Variants in MCM7 observed in about 807,000 individuals in gnomAD.
MCM7 encodes minichromosome maintenance complex component 7.
A neutral mutation model predicts 83.5 loss-of-function variants in MCM7; 95 were observed. The ratio of observed to expected loss-of-function variants is 1.14; its 90% CI spans 0.96 to 1.35. The LOEUF (loss-of-function observed/expected upper bound fraction) is 1.35, where lower values mean the gene tolerates loss of function less well. Ranked by LOEUF, MCM7 falls within the 40% of genes most tolerant of loss-of-function variation. The pLI is 0.00. For missense variants in MCM7, 1,087 were observed against 957.4 expected, an observed-to-expected ratio of 1.14 and a Z score of -1.79; for synonymous variants, 461 against 352.7, an observed-to-expected ratio of 1.31 and a Z score of -3.44.
At position 100,094,343 on chromosome 7, in the gene MCM7, T is replaced by C. The variant is rs781636558; in HGVS notation, c.1680-2A>G. 1.2e-6 allele frequency: 2 copies of C among 1,613,892 alleles called. No homozygotes were observed. The highest frequency in any genetic ancestry group is 1.7e-5 in the Admixed American group (1 of 60,010). ...TCGCGGCACATGGCTATGTAACGCC[T>C]GTGGGGGAAGGTTCATGGGGAAGCA... On this transcript the variant is annotated splice_acceptor_variant, in intron 12 of 14. Coordinates refer to ENST00000303887, the MANE Select transcript of MCM7 (RefSeq NM_005916.5). LOFTEE classifies it high-confidence loss of function.
intron 12 of MCM7, among the ~76,000 whole-genome samples, chr7:100,094,889 C>T (rs1795535241): frequency 6.6e-6 from 1 of 152,198 alleles, no homozygotes; most frequent in South Asian, 2.1e-4. Flanking sequence ...AACTGATACA[C>T]ATAACCTGAA....
At position 100,097,383 on chromosome 7, in the gene MCM7, G is replaced by A; in HGVS notation, c.1119C>T (p.Gly373=). Residue 373 remains glycine (G), a splice_region_variant and synonymous_variant, in exon 10 of 15, where the codon GGC becomes GGT. Coordinates refer to ENST00000303887, the MANE Select transcript of MCM7 (RefSeq NM_005916.5). The part of the protein sequence containing the change: ...DQSPRGMKIR[G]NINICLMGDP... ...CCCCCATCAGACAGATGTTGATGTT[G>A]CCTGGAGGAAGGGAAGGCAGCCCTG... is the stretch of plus-strand genomic sequence containing the variant. 2 of 1,614,100 alleles carry A rather than the reference G, an allele frequency of 1.2e-6. No individual in the cohort carries two copies. Among genetic ancestry groups the A allele is most frequent in the Non-Finnish European group, 1.7e-6 (2 of 1,179,992 alleles).
At position 100,098,669 on chromosome 7, in the gene MCM7, T is replaced by C; in HGVS notation, c.629A>G (p.Glu210Gly). The C allele has an allele frequency of 1.9e-6, 3 of 1,614,070 alleles. No individual in the cohort carries two copies. Among genetic ancestry groups the C allele is most frequent in the Non-Finnish European group, 2.5e-6 (3 of 1,180,024 alleles). ...CCCTCCTGAGCGGTTGGTTTGGCACTCCTGGCTTGGGCACATGATCAGAGG... is the reference window on the plus strand; with the variant it reads ...CCCTCCTGAGCGGTTGGTTTGGCACCCCTGGCTTGGGCACATGATCAGAGG... ...FMPLIMCPSQ[E>G]CQTNRSGGRL... Residue 210 changes from glutamate to glycine, a missense_variant, in exon 6 of 15, where the codon GAG (glutamate) becomes GGG (glycine). By Grantham distance (98) the Glu-to-Gly change is moderately conservative. Coordinates refer to ENST00000303887, the MANE Select transcript of MCM7 (RefSeq NM_005916.5).
At chr7:100,099,899 C>G (rs947145080) in intron 2 of MCM7, 115 bp downstream of exon 2, 1 of 1,423,216 alleles carries the variant, frequency 7.0e-7, no homozygotes, top group Non-Finnish European at 9.8e-7. Context: ...GCGATACTCG[C>G]TTTTCAGCCC....
chr7:100,096,292 T>C (rs1483150643), intron 10 of MCM7, 125 bp from the exon 11 acceptor site: 6 of 924,624 alleles, frequency 6.5e-6, no homozygotes, highest in Non-Finnish European at 9.3e-6. Context: ...CACCAGGCCT[T>C]CTTGAGATGC....
intron 12 of MCM7, among the ~76,000 whole-genome samples, chr7:100,094,891 T>A (rs1210837845): frequency 6.6e-6 from 1 of 152,172 alleles, no homozygotes; most frequent in South Asian, 2.1e-4. Flanking sequence ...CTGATACACA[T>A]AACCTGAAGG....
At chr7:100,096,196 G>A (rs374831019) in intron 10 of MCM7, 29 bp from the exon 11 acceptor site, 14 of 1,532,644 alleles carry the variant, frequency 9.1e-6, no homozygotes, top group South Asian at 1.3e-5. Flanking sequence ...GGAACCATGA[G>A]AGAGAAAGAA....
At chr7:100,101,178 G>A (rs1796002447) in intron 1 of MCM7, 86 bp downstream of exon 1, 1 of 1,551,922 alleles carries the variant, frequency 6.4e-7, no homozygotes, top group Non-Finnish European at 8.8e-7. Context: ...GCCGACCCCG[G>A]TCCCCCAAGA....
chr7:100,093,340 A>G lies in MCM7; in HGVS notation c.1910T>C (p.Met637Thr), dbSNP rs1266576361. ...TAGAAGAGAGTCCTTTGACATCTCC[A>G]TTAGCCTGATGGCTTCATTCACATC... is the stretch of plus-strand genomic sequence containing the variant. The part of the protein sequence containing the change: ...KEDVNEAIRL[M>T]EMSKDSLLGD... Residue 637 changes from methionine (M) to threonine (T), a missense_variant, in exon 14 of 15, where the codon ATG (methionine) becomes ACG (threonine). Physicochemically the swap from Met to Thr is moderately conservative, Grantham distance 81. Coordinates refer to ENST00000303887, the MANE Select transcript of MCM7 (RefSeq NM_005916.5). The G allele has an allele frequency of 1.2e-6, 2 of 1,614,172 alleles. No homozygotes were observed. Among genetic ancestry groups the G allele is most frequent in the South Asian group, 2.2e-5 (2 of 91,090 alleles).
Position 100,099,379 on chromosome 7 carries a change from C to T in MCM7, c.301G>A (p.Val101Ile), listed in dbSNP as rs150084480. The change falls in exon 4 of 15, where the codon GTT (valine) becomes ATT (isoleucine). Residue 101 changes from valine to isoleucine, a missense_variant. Coordinates refer to ENST00000303887, the MANE Select transcript of MCM7 (RefSeq NM_005916.5). ...REVVNKDVLD[V>I]YIEHRLMMEQ... ...ATCATTAGCCGATGCTCAATGTAAA[C>T]GTCCAGGACATCTTTATTTACCACC... 38 of 1,599,724 alleles carry T rather than the reference C, an allele frequency of 2.4e-5. No homozygotes were observed. The Admixed American group carries it at 4.8e-4, about 20-fold the overall frequency.
chr7:100,100,333 C>A, intron 1 of MCM7: 1 of 1,191,284 alleles, frequency 8.4e-7, no homozygotes, highest in East Asian at 4.7e-5. Flanking sequence ...ATTCCGGTCC[C>A]TACTTTAGTT....
At position 100,097,689 on chromosome 7, in the gene MCM7, C is replaced by G. The variant is rs761253047; in HGVS notation, c.1042G>C (p.Glu348Gln). 2 of 1,614,116 alleles carry G rather than the reference C, an allele frequency of 1.2e-6. No individual in the cohort carries two copies. Among genetic ancestry groups the G allele is most frequent in the African/African-American group, 2.7e-5 (2 of 74,932 alleles). ...ASIAPEIYGH[E>Q]DVKKALLLLL... ...AGCAGCAGTGCCTTCTTCACATCTTCATGCCCGTATATTTCTGGGGCGATT... is the reference window on the plus strand; with the variant it reads ...AGCAGCAGTGCCTTCTTCACATCTTGATGCCCGTATATTTCTGGGGCGATT... The change falls in exon 9 of 15, where the codon GAA (glutamate) becomes CAA (glutamine). Residue 348 changes from glutamate to glutamine, a missense_variant. By Grantham distance (29) the Glu-to-Gln change is conservative (BLOSUM62 2). Transcript: ENST00000303887.
In MCM7 at chr7:100,095,612, G is replaced by A. The variant is rs1795586296; in HGVS notation, c.1596-142C>T. 2.3e-6 allele frequency: 3 copies of A among 1,304,896 alleles called. No homozygotes were observed. In the East Asian group the frequency reaches 7.0e-5, roughly 30 times the overall value. 80.8% of individuals were successfully genotyped at this position (1,304,896 alleles called of 1,614,324 possible). On this transcript the variant is annotated intron_variant, in intron 11 of 14. Coordinates refer to ENST00000303887, the MANE Select transcript of MCM7 (RefSeq NM_005916.5). ...CCGGGAAATCCTCATCAGCATTTCA[G>A]CCCCAACCCACCATTTCCCTGAGAA...
At chr7:100,101,156 A>T in intron 1 of MCM7, 108 bp downstream of exon 1, 1 of 1,401,036 alleles carries the variant, frequency 7.1e-7, no homozygotes, top group Non-Finnish European at 1.0e-6. Context: ...GGCCTCGCGC[A>T]CCCCAGAACC....
chr7:100,095,660 A>T lies in MCM7; in HGVS notation c.1595+114T>A, dbSNP rs1795589855. 9.9e-6 allele frequency: 14 copies of T among 1,413,516 alleles called. 1 individual carries two copies. In the South Asian group the frequency reaches 1.2e-4, roughly 12 times the overall value. 87.6% of individuals were successfully genotyped at this position (1,413,516 alleles called of 1,614,324 possible). On this transcript the variant is annotated intron_variant, in intron 11 of 14. Transcript: ENST00000303887. ...GAACCATGGACCAGCCCCTGCTGCA[A>T]AGGGGAGGCTCTGGGGTTTCCAGGA...
At chr7:100,100,183 T>A (rs1037107187) in intron 1 of MCM7, 90 bp from the exon 2 acceptor site, 3 of 1,518,280 alleles carry the variant, frequency 2.0e-6, no homozygotes. Context: ...TATGAACTAA[T>A]TAATAATATG....
chr7:100,093,597 G>C, intron 13 of MCM7, 196 bp from the exon 14 acceptor site: 1 of 772,400 alleles, frequency 1.3e-6, no homozygotes, highest in Non-Finnish European at 2.4e-6. Context: ...GCAATGCCCA[G>C]GGCAGCGTCC....
At chr7:100,100,179 C>G (rs770154634) in intron 1 of MCM7, 86 bp from the exon 2 acceptor site, 2 of 1,535,988 alleles carry the variant, frequency 1.3e-6, no homozygotes, top group African/African-American at 1.4e-5. Flanking sequence ...GACCTATGAA[C>G]TAATTAATAA....
chr7:100,098,428 C>T, intron 6 of MCM7, 138 bp from the exon 7 acceptor site: 1 of 1,489,444 alleles, frequency 6.7e-7, no homozygotes, highest in Non-Finnish European at 9.1e-7. Context: ...ACCTCCTTTC[C>T]CCTTCCCAAG....
Sources: gnomAD v4.1 joint callset for allele counts (sites outside exome capture counted in the v4.1 genomes callset) on GRCh38, gnomAD v4.1.1 for gene constraint, MANE v1.5 for transcripts, NCBI Gene and HGNC (gene_info 2026-07-23, HGNC 2026-07-21) for gene names.